DGKB: variants seen among roughly 807,000 people sequenced by gnomAD.
DGKB encodes the protein diacylglycerol kinase beta.
A neutral mutation model predicts 114.3 loss-of-function variants in DGKB; 67 were observed. The ratio of observed to expected loss-of-function variants is 0.59; its 90% CI spans 0.48 to 0.72. The LOEUF (loss-of-function observed/expected upper bound fraction) is 0.72, where lower values mean the gene tolerates loss of function less well. Ranked by LOEUF, DGKB falls within the 30% of genes least tolerant of loss-of-function variation. The pLI is 0.00. For missense variants in DGKB, 907 were observed against 975.2 expected, an observed-to-expected ratio of 0.93 and a Z score of 0.93; for synonymous variants, 398 against 323.1, an observed-to-expected ratio of 1.23 and a Z score of -2.49.
chr7:14,829,292 T>G (rs1387923959), intron 2 of DGKB, among the ~76,000 whole-genome samples: 2 of 152,136 alleles, frequency 1.3e-5, no homozygotes, highest in East Asian at 3.9e-4. Context: ...CATCTTATCA[T>G]GCTCCCCTTA....
chr7:14,170,197 G>T lies in DGKB; in HGVS notation c.2304+6642C>A, dbSNP rs543473329. Among the ~76,000 whole-genome samples, 55 of 138,188 alleles carry T rather than the reference G, an allele frequency of 4.0e-4. 2 individuals are homozygous for T. Among genetic ancestry groups the T allele is most frequent in the Non-Finnish European group, 7.4e-4 (48 of 64,584 alleles). 90.7% of individuals were successfully genotyped at this position (138,188 alleles called of 152,430 possible). ...AGAAAGAAAGAAAGAAAGAAAGAAAGAAAGAAATACATTAAGCCTCTGAAG... is the reference window on the plus strand; with the variant it reads ...AGAAAGAAAGAAAGAAAGAAAGAAATAAAGAAATACATTAAGCCTCTGAAG... On this transcript the variant is annotated intron_variant, in intron 25 of 25. Transcript: ENST00000402815.
intron 23 of DGKB, among the ~76,000 whole-genome samples, chr7:14,256,460 TA>T (rs970208264): frequency 3.6e-3 from 66 of 18,316 alleles, no homozygotes; most frequent in African/African-American, 0.026. Context: ...CATTCTAAAA[TA>T]AATATTTTAT....
At chr7:14,677,640 G>C (rs141484346) in intron 12 of DGKB, among the ~76,000 whole-genome samples, 1 of 152,016 alleles carries the variant, frequency 6.6e-6, no homozygotes, top group Non-Finnish European at 1.5e-5. Flanking sequence ...AGCTTACCTT[G>C]ACAAGCAATG....
At chr7:14,798,236 C>T (rs1291255122) in intron 2 of DGKB, among the ~76,000 whole-genome samples, 1 of 152,144 alleles carries the variant, frequency 6.6e-6, no homozygotes, top group East Asian at 1.9e-4. Context: ...TTTAAACTGT[C>T]CTTGGCTTGA....
intron 22 of DGKB, 31 bp from the exon 23 acceptor site, chr7:14,338,741 G>C (rs748379999): frequency 4.3e-5 from 56 of 1,301,550 alleles, no homozygotes; most frequent in Non-Finnish European, 5.4e-5. Flanking sequence ...AACAGAAACG[G>C]AATATTTTAT....
At chr7:14,404,038 C>A (rs1298890433) in intron 21 of DGKB, among the ~76,000 whole-genome samples, 1 of 151,680 alleles carries the variant, frequency 6.6e-6, no homozygotes, top group African/African-American at 2.4e-5. Flanking sequence ...TTCAAAAAGT[C>A]AAGGCATTTT....
At chr7:14,900,265 G>A (rs896169376) in intron 1 of DGKB, among the ~76,000 whole-genome samples, 5 of 152,184 alleles carry the variant, frequency 3.3e-5, no homozygotes, top group African/African-American at 1.2e-4. Context: ...TGTTTTACAA[G>A]AGAAAGAGAA....
In DGKB at chr7:14,304,963, T is replaced by A. The variant is rs561831997; in HGVS notation, c.2122+33552A>T. 3.8e-4 allele frequency among the ~76,000 whole-genome samples: 57 copies of A among 151,472 alleles called. No individual in the cohort carries two copies. In the South Asian group the frequency reaches 0.012, roughly 32 times the overall value. On this transcript the variant is annotated intron_variant, in intron 23 of 25. Coordinates refer to ENST00000402815, the MANE Select transcript of DGKB (RefSeq NM_001350709.2). ...CATTCACTCAAAGTACATACATATC[T>A]CATAAAGACACCATTTGAGATTGCC...
chr7:14,710,537 A>T (rs1267180927), intron 6 of DGKB, among the ~76,000 whole-genome samples: 3 of 152,128 alleles, frequency 2.0e-5, no homozygotes, highest in African/African-American at 7.2e-5. Context: ...AAGTTGAACT[A>T]TACTTAGAGT....
intron 1 of DGKB, among the ~76,000 whole-genome samples, chr7:14,857,136 T>C (rs1277915682): frequency 6.6e-6 from 1 of 151,956 alleles, no homozygotes; most frequent in Non-Finnish European, 1.5e-5. Context: ...CTCCATCTAG[T>C]AGATGAATTT....
At chr7:14,465,099 A>C (rs1833636800) in intron 21 of DGKB, among the ~76,000 whole-genome samples, 1 of 152,146 alleles carries the variant, frequency 6.6e-6, no homozygotes, top group Admixed American at 6.5e-5. Flanking sequence ...CCTCAGACAG[A>C]AAGAGGCACC....
At position 14,630,246 on chromosome 7, in the gene DGKB, G is replaced by A; in HGVS notation, c.1157C>T (p.Ser386Leu). 1.3e-6 allele frequency: 2 copies of A among 1,557,906 alleles called. No individual in the cohort carries two copies. The highest frequency in any genetic ancestry group is 1.9e-5 in the Admixed American group (1 of 51,552). The change falls in exon 14 of 26, where the codon TCA becomes TTA. Residue 386 changes from serine to leucine, a missense_variant. Physicochemically the swap from Ser to Leu is moderately radical, Grantham distance 145 (BLOSUM62 -2). Coordinates refer to ENST00000402815, the MANE Select transcript of DGKB (RefSeq NM_001350709.2). ...TTTTTGCTTACGCACCTCAGGAACT[G>A]AAACTCCTGAAGTGGGCAGAGTCTG... ...VVLTLPTSGV[S>L]VPEERQSTVK...
At chr7:14,358,145 C>T (rs888139603) in intron 21 of DGKB, among the ~76,000 whole-genome samples, 2 of 152,130 alleles carry the variant, frequency 1.3e-5, no homozygotes, top group Non-Finnish European at 2.9e-5. Flanking sequence ...GCCTGCCTTG[C>T]TAGTTTGGGG....
intron 23 of DGKB, among the ~76,000 whole-genome samples, chr7:14,289,966 T>C (rs1490854653): frequency 6.6e-6 from 1 of 152,172 alleles, no homozygotes; most frequent in Middle Eastern, 3.2e-3. Context: ...TACAAACTCA[T>C]TACTTGACAC....
At chr7:14,384,148 C>T (rs559603562) in intron 21 of DGKB, among the ~76,000 whole-genome samples, 6 of 152,224 alleles carry the variant, frequency 3.9e-5, no homozygotes, top group South Asian at 2.1e-4. Context: ...ATTTAATTTA[C>T]GTAAGTACAT....
chr7:14,289,848 G>A (rs4483055), intron 23 of DGKB, among the ~76,000 whole-genome samples: 17,723 of 151,508 alleles, frequency 0.12, 3,012 homozygotes, highest in African/African-American at 0.38. Context: ...AAACACCTTG[G>A]TAAAGGCAAA....
chr7:14,287,757 A>G (rs1801106687), intron 23 of DGKB, among the ~76,000 whole-genome samples: 1 of 152,192 alleles, frequency 6.6e-6, no homozygotes, highest in Non-Finnish European at 1.5e-5. Flanking sequence ...GGGTCCTGAA[A>G]TGGAGCTTTC....
chr7:14,291,132 A>C (rs1019573466), intron 23 of DGKB, among the ~76,000 whole-genome samples: 1 of 134,054 alleles, frequency 7.5e-6, no homozygotes, highest in African/African-American at 3.2e-5. Flanking sequence ...ACAAAAGCAA[A>C]ACTCCGTCTC....
At chr7:14,560,718 A>T (rs1796531331) in intron 20 of DGKB, among the ~76,000 whole-genome samples, 1 of 152,182 alleles carries the variant, frequency 6.6e-6, no homozygotes, top group Non-Finnish European at 1.5e-5. Context: ...CCTTTTAGAT[A>T]GTCAGGAGTG....
Sources: gnomAD v4.1 joint callset for allele counts (sites outside exome capture counted in the v4.1 genomes callset) on GRCh38, gnomAD v4.1.1 for gene constraint, MANE v1.5 for transcripts, NCBI Gene and HGNC (gene_info 2026-07-23, HGNC 2026-07-21) for gene names.